Variants in TUB observed in about 807,000 individuals in gnomAD.
The protein encoded by TUB is tubby protein homolog.
A neutral mutation model predicts 59.7 loss-of-function variants in TUB; 33 were observed. The observed-to-expected ratio is 0.55, with a 90% CI of 0.42 to 0.74. The LOEUF (loss-of-function observed/expected upper bound fraction) is 0.74. TUB is among the 30% of genes least tolerant of loss of function. The probability of loss-of-function intolerance (pLI) is 0.00; values close to 1 mark genes in which losing one functional copy is unlikely to be tolerated. For missense variants in TUB, 659 were observed against 672.0 expected, an observed-to-expected ratio of 0.98 and a Z score of 0.21; for synonymous variants, 293 against 256.4, an observed-to-expected ratio of 1.14 and a Z score of -1.36.
chr11:8,084,889 A>G (rs533186000), intron 1 of TUB, among the ~76,000 whole-genome samples: 1 of 152,324 alleles, frequency 6.6e-6, no homozygotes, highest in African/African-American at 2.4e-5. Context: ...TTTACAGGTC[A>G]TCTAGTTCTC....
At chr11:8,043,272 C>T (rs1942781398) in intron 2 of TUB, among the ~76,000 whole-genome samples, 1 of 152,136 alleles carries the variant, frequency 6.6e-6, no homozygotes, top group African/African-American at 2.4e-5. Context: ...CTCTCAATTC[C>T]ACTGCTTTGA....
At chr11:8,098,912 T>C (rs760701954) in intron 9 of TUB, 37 bp downstream of exon 9, 1 of 1,479,582 alleles carries the variant, frequency 6.8e-7, no homozygotes, top group Non-Finnish European at 9.4e-7. Flanking sequence ...ATTTCCAAGG[T>C]AGATATGAAA....
upstream of TUB, among the ~76,000 whole-genome samples, chr11:8,080,357 T>TCCCGCACCTTCTCAGTGTGC (rs1376523451): frequency 1.3e-5 from 2 of 152,154 alleles, no homozygotes. Flanking sequence ...CTGCTGTGGG[T>TCCCGCACCTTCTCAGTGTGC]CCCGCACCTT....
At chr11:8,043,823 T>G (rs949824882) in intron 2 of TUB, among the ~76,000 whole-genome samples, 1 of 152,218 alleles carries the variant, frequency 6.6e-6, no homozygotes, top group Non-Finnish European at 1.5e-5. Context: ...CTTAGATTTT[T>G]ATTACACAAG....
Position 8,098,794 on chromosome 11 carries a change from C to T in TUB, c.1035C>T (p.Asp345=), listed in dbSNP as rs747273603. The part of the protein sequence containing the change: ...NLMGTKFTVY[D]NGVNPQKASS... Reference sequence around the variant, plus strand: ...TGGGCACCAAGTTCACTGTTTATGACAATGGAGTCAACCCTCAGAAGGCCT... The same window carrying T: ...TGGGCACCAAGTTCACTGTTTATGATAATGGAGTCAACCCTCAGAAGGCCT... The change falls in exon 9 of 12, where the codon GAC becomes GAT. Residue 345 remains aspartate (D), a synonymous_variant. Coordinates refer to ENST00000299506, the MANE Select transcript of TUB (RefSeq NM_177972.3). The T allele has an allele frequency of 6.2e-7, 1 of 1,614,098 alleles. No individual in the cohort carries two copies. The highest frequency in any genetic ancestry group is 8.5e-7 in the Non-Finnish European group (1 of 1,180,022).
Position 8,101,662 on chromosome 11 carries a change from G to C in TUB, c.*43G>C, listed in dbSNP as rs1468678963. 6.2e-7 allele frequency: 1 copy of C among 1,605,982 alleles called. No homozygotes were observed. The highest frequency in any genetic ancestry group is 8.5e-7 in the Non-Finnish European group (1 of 1,176,550). ...TTGGGGTTGCCCAGCCTGGAGCGGA[G>C]CTTGCCTGCCTGCCTGTGGAGACAG... On this transcript the variant is annotated 3_prime_UTR_variant, in exon 12 of 12. Transcript: ENST00000299506.
At chr11:8,098,728 G>T (rs1370046492) in intron 8 of TUB, 30 bp from the exon 9 acceptor site, 1 of 1,531,810 alleles carries the variant, frequency 6.5e-7, no homozygotes. Context: ...GAGGGTGCAT[G>T]ACTCTATACT....
intron 2 of TUB, among the ~76,000 whole-genome samples, chr11:8,054,636 T>C (rs1221657824): frequency 3.9e-5 from 6 of 152,260 alleles, no homozygotes; most frequent in Admixed American, 2.0e-4. Context: ...TTGATGTGTG[T>C]CCTGGCATAT....
In TUB at chr11:8,101,892, G is replaced by A. The variant is rs1253465278; in HGVS notation, c.*273G>A. The stretch of plus-strand genomic sequence containing the variant: ...AACACACACTCCCACCCTTGGGGTA[G>A]TAGTGTGTTGTAGTCGTACTTACCA... On this transcript the variant is annotated 3_prime_UTR_variant, in exon 12 of 12. Coordinates refer to ENST00000299506, the MANE Select transcript of TUB (RefSeq NM_177972.3). 4.4e-6 allele frequency: 2 copies of A among 454,644 alleles called. No homozygotes were observed. The highest frequency in any genetic ancestry group is 3.1e-5 in the South Asian group (1 of 32,054). 28.2% of individuals were successfully genotyped at this position (454,644 alleles called of 1,614,324 possible).
At chr11:8,056,323 T>TG (rs1315704054) in intron 2 of TUB, among the ~76,000 whole-genome samples, 1 of 152,046 alleles carries the variant, frequency 6.6e-6, no homozygotes, top group Non-Finnish European at 1.5e-5. Context: ...TGCGGCCATA[T>TG]GGGAATGCCT....
intron 1 of TUB, among the ~76,000 whole-genome samples, chr11:8,024,554 C>T (rs1424590002): frequency 1.3e-5 from 2 of 152,168 alleles, no homozygotes; most frequent in African/African-American, 4.8e-5. Flanking sequence ...TCTTCTGTCA[C>T]GTCCTGACTC....
intron 1 of TUB, among the ~76,000 whole-genome samples, chr11:8,032,153 G>A (rs995398036): frequency 1.3e-5 from 2 of 152,256 alleles, no homozygotes; most frequent in African/African-American, 4.8e-5. Flanking sequence ...GGGAAAGGCC[G>A]GGAGCGCAGG....
At chr11:8,098,654 C>A in intron 8 of TUB, 104 bp from the exon 9 acceptor site, 1 of 826,168 alleles carries the variant, frequency 1.2e-6, no homozygotes, top group Non-Finnish European at 2.0e-6. Context: ...GCTCCTGTTC[C>A]AGCCCAGAAT....
chr11:8,019,822 G>A (rs959717659), intron 1 of TUB, among the ~76,000 whole-genome samples: 3 of 151,978 alleles, frequency 2.0e-5, no homozygotes, highest in Non-Finnish European at 2.9e-5. Flanking sequence ...GCTGGCCCCG[G>A]GCGGAGTGTC....
chr11:8,047,550 C>T (rs1425213475), intron 2 of TUB, among the ~76,000 whole-genome samples: 2 of 152,142 alleles, frequency 1.3e-5, no homozygotes, highest in Non-Finnish European at 2.9e-5. Flanking sequence ...CAGATGCCCT[C>T]GAGTGGCCTG....
rs73414941 is a variant in TUB at position 8,030,484 on chromosome 11, C to T, written c.56+11126C>T. Among the ~76,000 whole-genome samples, 767 of 152,206 alleles carry T rather than the reference C, an allele frequency of 5.0e-3. 7 individuals are homozygous for T. Among genetic ancestry groups the T allele is most frequent in the African/African-American group, 0.016 (657 of 41,530 alleles). Reference sequence around the variant, plus strand: ...AAGGTGCAGCAGTTAGATCTCTGGGCTCAGGTGTGTGTTCCTCTGCAGCCT... The same window carrying T: ...AAGGTGCAGCAGTTAGATCTCTGGGTTCAGGTGTGTGTTCCTCTGCAGCCT... On this transcript the variant is annotated intron_variant, in intron 1 of 11. Coordinates refer to the TUB transcript ENST00000534099.
chr11:8,101,424 T>G, intron 11 of TUB, 62 bp from the exon 12 acceptor site: 1 of 1,603,006 alleles, frequency 6.2e-7, no homozygotes, highest in East Asian at 2.2e-5. Flanking sequence ...CTGTCTATCC[T>G]TCCCTGGCTC....
chr11:8,023,186 C>T (rs1942454571), intron 1 of TUB, among the ~76,000 whole-genome samples: 1 of 152,202 alleles, frequency 6.6e-6, no homozygotes, highest in Admixed American at 6.5e-5. Context: ...TCCAGTGAGA[C>T]AGCAGAAGCT....
At chr11:8,098,955 C>A in intron 9 of TUB, 80 bp downstream of exon 9, 2 of 1,055,218 alleles carry the variant, frequency 1.9e-6, no homozygotes, top group South Asian at 1.3e-5. Context: ...AGGGGCTATC[C>A]CATCCATCTT....
Sources: gnomAD v4.1 joint callset for allele counts (sites outside exome capture counted in the v4.1 genomes callset) on GRCh38, gnomAD v4.1.1 for gene constraint, MANE v1.5 for transcripts, NCBI Gene and HGNC (gene_info 2026-07-23, HGNC 2026-07-21) for gene names.